PDE4C: variants seen among roughly 807,000 people sequenced by gnomAD.
PDE4C encodes the protein phosphodiesterase 4C, also known as 3',5'-cyclic-AMP phosphodiesterase 4C.
Under a neutral mutation model 63.9 loss-of-function variants are expected in PDE4C, and 50 were observed. That is an observed-to-expected ratio of 0.78 (90% CI 0.62 to 0.99). The LOEUF (loss-of-function observed/expected upper bound fraction) is 0.99. PDE4C is among the 50% of genes least tolerant of loss of function. The pLI, the probability that PDE4C is intolerant of heterozygous loss-of-function variation, is 0.00. For missense variants in PDE4C, 777 were observed against 899.1 expected (o/e 0.86, Z 1.74); for synonymous variants, 377 against 385.1 (o/e 0.98, Z 0.25).
chr19:18,208,897 T>C (rs1481862600), downstream of PDE4C: 1 of 152,060 alleles, frequency 6.6e-6, no homozygotes, highest in Non-Finnish European at 1.5e-5. Context: ...CTTAGAGACC[T>C]GCTAGAGAGG....
chr19:18,242,018 T>C (rs1429663969), intron 1 of PDE4C, among the ~76,000 whole-genome samples: 1 of 152,190 alleles, frequency 6.6e-6, no homozygotes, highest in Non-Finnish European at 1.5e-5. Context: ...GTGGATCACA[T>C]TGCTGGGGTG....
chr19:18,246,987 G>A (rs533633890), intron 1 of PDE4C, among the ~76,000 whole-genome samples: 20 of 152,340 alleles, frequency 1.3e-4, no homozygotes, highest in African/African-American at 4.1e-4. Flanking sequence ...CAGCCACTCA[G>A]GTGATGGGCC....
chr19:18,222,900 A>G (rs1968555874), intron 1 of PDE4C, among the ~76,000 whole-genome samples: 1 of 151,024 alleles, frequency 6.6e-6, no homozygotes, highest in Non-Finnish European at 1.5e-5. Context: ...AGGTCTCACT[A>G]TTTTGCCCAG....
chr19:18,238,532 C>T (rs1353629441), upstream of PDE4C, among the ~76,000 whole-genome samples: 2 of 151,738 alleles, frequency 1.3e-5, no homozygotes, highest in Admixed American at 6.6e-5. Context: ...GCCACTGCGC[C>T]CGGCCGAGAC....
At chr19:18,222,047 G>T in intron 2 of PDE4C, 85 bp downstream of exon 2, 1 of 1,159,872 alleles carries the variant, frequency 8.6e-7, no homozygotes, top group Non-Finnish European at 1.2e-6. Context: ...TTCCTTAAAT[G>T]GCTATTTGAA....
the PDE4C span, among the ~76,000 whole-genome samples, chr19:18,254,083 G>A: frequency 2.6e-5 from 4 of 152,220 alleles, no homozygotes; most frequent in African/African-American, 9.6e-5. Flanking sequence ...CTGTGGGGAT[G>A]ACGGCTGAGT....
At chr19:18,243,040 GT>G (rs1481649812) in intron 1 of PDE4C, among the ~76,000 whole-genome samples, 1 of 152,144 alleles carries the variant, frequency 6.6e-6, no homozygotes, top group African/African-American at 2.4e-5. Flanking sequence ...TCTGAGATAT[GT>G]TTTGGGGGCT....
rs577065577 is a variant in PDE4C at position 18,220,102 on chromosome 19, A to C, written c.706+124T>G. ...CCTCCCTCTGATCCAGCCCTGACTC[A>C]TGGGGGCTGAAGGTGTCTGTGTCTG... On this transcript the variant is annotated intron_variant, in intron 7 of 14. Coordinates refer to ENST00000262805, the Ensembl canonical transcript of PDE4C. The surrounding 1 kb of genome is among the most constrained non-coding windows in gnomAD (Gnocchi z 5.1). 4.7e-4 allele frequency: 365 copies of C among 775,140 alleles called. 2 individuals are homozygous for C. In the African/African-American group the frequency reaches 5.7e-3, roughly 12 times the overall value. The allele number at this position is 775,140 out of a possible 1,614,324, so 48.0% of individuals were successfully genotyped here. A position where few individuals can be genotyped will look rare whatever the true frequency, so the allele number is the denominator to read the frequency against.
upstream of PDE4C, chr19:18,252,024 C>T (rs892692490): frequency 1.0e-5 from 4 of 398,582 alleles, no homozygotes; most frequent in Non-Finnish European, 1.3e-5. Flanking sequence ...CTGTTACACC[C>T]GCCACCTCCC....
At chr19:18,246,927 A>AAAAAC (rs1015738426) in intron 1 of PDE4C, among the ~76,000 whole-genome samples, 2 of 152,112 alleles carry the variant, frequency 1.3e-5, no homozygotes, top group Admixed American at 6.6e-5. Context: ...ACCCTGTCTA[A>AAAAAC]AAAACAAAAC....
At chr19:18,218,987 G>T (rs774386403) in exon 9 of PDE4C, 1 of 1,613,502 alleles carries the variant, frequency 6.2e-7, no homozygotes, top group African/African-American at 1.3e-5. Context: ...TTCCCACTTA[G>T]CTCCGCCACC....
rs1394517621 is a variant in PDE4C, at chr19:18,216,856, AGCACCGAG to A, written c.1266_1273del (p.Ser423GlyfsTer37). 2 of 1,614,006 alleles carry A rather than the reference AGCACCGAG, an allele frequency of 1.2e-6. No individual in the cohort carries two copies. Among genetic ancestry groups the A allele is most frequent in the Non-Finnish European group, 1.7e-6 (2 of 1,180,010 alleles). ...GCCCACAGCCAGGTGATGGTTCTCC[AGCACCGAG>A]GCGTCGTTGTACATAAGCGCCAGCT... On this transcript the variant is annotated frameshift_variant, in exon 12 of 15. Coordinates refer to ENST00000262805, the Ensembl canonical transcript of PDE4C. LOFTEE classifies it high-confidence loss of function.
intron 4 of PDE4C, 39 bp downstream of exon 4, chr19:18,221,066 T>TGCCGGC (rs754431408): frequency 3.2e-5 from 23 of 721,630 alleles, no homozygotes; most frequent in Non-Finnish European, 4.3e-5. Flanking sequence ...ACCTTGTCTC[T>TGCCGGC]GCCGGCCCCG....
chr19:18,233,321 G>A lies in PDE4C; in HGVS notation c.-130C>T, dbSNP rs565498002. On this transcript the variant is annotated 5_prime_UTR_variant, in exon 1 of 15. Transcript: ENST00000594465. ...GCGACAGCGAGGAGCTGTCCGCGCC[G>A]GAGGTGCTGAAGCGGTAGAAGGTGG... is the stretch of plus-strand genomic sequence containing the variant. 1.9e-5 allele frequency: 25 copies of A among 1,307,714 alleles called. 1 individual carries two copies. Among genetic ancestry groups the A allele is most frequent in the Admixed American group, 1.8e-4 (9 of 50,688 alleles). The allele number at this position is 1,307,714 out of a possible 1,614,324, so 81.0% of individuals were successfully genotyped here. A position where few individuals can be genotyped will look rare whatever the true frequency, so the allele number is the denominator to read the frequency against.
At chr19:18,228,524 G>C (rs550006043), upstream of PDE4C, among the ~76,000 whole-genome samples, 6 of 152,212 alleles carry the variant, frequency 3.9e-5, no homozygotes, top group Non-Finnish European at 8.8e-5. Context: ...GTTCTTCCCA[G>C]CCTGGGTCCT....
chr19:18,233,745 G>A (rs568942180), upstream of PDE4C: 62 of 335,746 alleles, frequency 1.8e-4, 1 homozygote, highest in South Asian at 7.4e-4. Flanking sequence ...GAGGGAGACC[G>A]GGGTTCAGGT....
intron 1 of PDE4C, among the ~76,000 whole-genome samples, chr19:18,242,716 T>G (rs1261571872): frequency 7.7e-6 from 1 of 130,680 alleles, no homozygotes; most frequent in African/African-American, 3.0e-5. Context: ...ACCAGGGAGG[T>G]GGAGGTTTCA....
chr19:18,224,049 G>T (rs376694746), intron 1 of PDE4C, among the ~76,000 whole-genome samples: 2 of 152,212 alleles, frequency 1.3e-5, no homozygotes, highest in South Asian at 2.1e-4. Flanking sequence ...CGTTCCGCCT[G>T]TTATCTTCCA....
chr19:18,218,304 G>A lies in PDE4C; in HGVS notation c.1134+30C>T, dbSNP rs370051036. On this transcript the variant is annotated intron_variant, in intron 10 of 14. Coordinates refer to ENST00000262805, the Ensembl canonical transcript of PDE4C. Reference sequence around the variant, plus strand: ...GGCGGGTTCTCTGGGCCCTGCACCCGCCCACCTGCCTGCAGTCATGGCGCA... The same window carrying A: ...GGCGGGTTCTCTGGGCCCTGCACCCACCCACCTGCCTGCAGTCATGGCGCA... 119 of 1,613,202 alleles carry A rather than the reference G, an allele frequency of 7.4e-5. No individual in the cohort carries two copies. The African/African-American group carries it at 1.3e-3, about 18-fold the overall frequency.
Sources: allele counts gnomAD v4.1 joint callset (sites outside exome capture counted in the v4.1 genomes callset), GRCh38; gene constraint gnomAD v4.1.1; non-coding constraint Gnocchi (gnomAD v3.1); transcripts MANE v1.5; gene names NCBI Gene and HGNC (gene_info 2026-07-23, HGNC 2026-07-21).